Variants in ATP2C2 observed in about 807,000 individuals in gnomAD.
ATP2C2 encodes calcium-transporting ATPase type 2C member 2.
Under a neutral mutation model 110.8 loss-of-function variants are expected in ATP2C2, and 171 were observed. The observed-to-expected ratio is 1.54, with a 90% CI of 1.36 to 1.75. ATP2C2 has a LOEUF of 1.75. Among genes scored for constraint, ATP2C2 ranks in the 40% most tolerant of loss-of-function variants. The pLI, the probability that ATP2C2 is intolerant of heterozygous loss-of-function variation, is 0.00. For synonymous variants in ATP2C2, 804 were observed against 508.4 expected, an observed-to-expected ratio of 1.58 and a Z score of -7.82; for missense variants, 1,963 against 1,235.0, an observed-to-expected ratio of 1.59 and a Z score of -8.84.
chr16:84,407,705 C>G (rs200339324), intron 3 of ATP2C2, among the ~76,000 whole-genome samples: 1 of 152,132 alleles, frequency 6.6e-6, no homozygotes, highest in Non-Finnish European at 1.5e-5. Context: ...CTCCTGGGCT[C>G]AAGCAGTCCT....
At chr16:84,429,122 A>C (rs796681245) in intron 11 of ATP2C2, among the ~76,000 whole-genome samples, 6 of 144,446 alleles carry the variant, frequency 4.2e-5, no homozygotes, top group African/African-American at 1.3e-4. Context: ...CCTGAACAGA[A>C]CGATCTTCAT....
intron 17 of ATP2C2, among the ~76,000 whole-genome samples, chr16:84,449,525 T>C (rs554919807): frequency 4.9e-4 from 75 of 152,286 alleles, no homozygotes; most frequent in African/African-American, 1.6e-3. Flanking sequence ...AGTGACTTCA[T>C]TGATTGCTGT....
At chr16:84,398,408 A>T (rs910650272) in intron 1 of ATP2C2, 91 bp from the exon 2 acceptor site, 11 of 773,946 alleles carry the variant, frequency 1.4e-5, no homozygotes, top group Middle Eastern at 4.3e-4. Flanking sequence ...TCCATCTCAA[A>T]AAAATAAACT....
chr16:84,373,738 T>C (rs1341508351), intron 1 of ATP2C2, among the ~76,000 whole-genome samples: 3 of 152,154 alleles, frequency 2.0e-5, no homozygotes, highest in South Asian at 2.1e-4. Context: ...AATGACGTCA[T>C]TCACGTTAAA....
At chr16:84,390,436 T>C (rs962134251) in intron 1 of ATP2C2, among the ~76,000 whole-genome samples, 4 of 152,150 alleles carry the variant, frequency 2.6e-5, no homozygotes, top group Non-Finnish European at 4.4e-5. Context: ...TGGAAACCTT[T>C]CTCTTCTAGG....
intron 15 of ATP2C2, among the ~76,000 whole-genome samples, chr16:84,442,884 G>A (rs955964748): frequency 1.3e-5 from 2 of 152,074 alleles, no homozygotes; most frequent in Non-Finnish European, 2.9e-5. Context: ...GTGTTGAGGC[G>A]ACAGACAGTG....
intron 21 of ATP2C2, 150 bp downstream of exon 21, chr16:84,455,134 C>T (rs1208225182): frequency 1.0e-6 from 1 of 995,268 alleles, no homozygotes; most frequent in Non-Finnish European, 1.5e-6. Flanking sequence ...GTGGCAGGTG[C>T]CCCCAACCCC....
At chr16:84,425,864 T>C in intron 11 of ATP2C2, 63 bp downstream of exon 11, 1 of 1,567,742 alleles carries the variant, frequency 6.4e-7, no homozygotes, top group Non-Finnish European at 8.8e-7. Context: ...AGCCCTTCCC[T>C]GCCGCAAGAG....
At chr16:84,421,268 G>A (rs1362509599) in intron 7 of ATP2C2, among the ~76,000 whole-genome samples, 4 of 152,240 alleles carry the variant, frequency 2.6e-5, no homozygotes, top group South Asian at 2.1e-4. Flanking sequence ...CTGCGCAGCC[G>A]GAGGCCTCGC....
intron 3 of ATP2C2, chr16:84,406,580 C>G: frequency 1.0e-6 from 1 of 985,578 alleles, no homozygotes; most frequent in Non-Finnish European, 1.2e-6. Flanking sequence ...CCTCCCTGAT[C>G]AAGGCTCAGT....
chr16:84,437,555 C>T lies in ATP2C2; in HGVS notation c.987-1611C>T, dbSNP rs976792687. Among the ~76,000 whole-genome samples, 3 of 152,074 alleles carry T rather than the reference C, an allele frequency of 2.0e-5. No individual in the cohort carries two copies. The East Asian group carries it at 5.8e-4, about 29-fold the overall frequency. ...CTTTTGAGATGGAGTCTCACTCTGTCACCAGGCTGGAGCGCAGTGGCGCAG... is the reference window on the plus strand; with the variant it reads ...CTTTTGAGATGGAGTCTCACTCTGTTACCAGGCTGGAGCGCAGTGGCGCAG... On this transcript the variant is annotated intron_variant, in intron 11 of 26. Coordinates refer to ENST00000262429, the MANE Select transcript of ATP2C2 (RefSeq NM_014861.4).
chr16:84,422,031 A>C (rs112789967), intron 7 of ATP2C2, among the ~76,000 whole-genome samples: 5 of 152,318 alleles, frequency 3.3e-5, no homozygotes, highest in African/African-American at 1.2e-4. Context: ...TGTGGGAACC[A>C]TACAGATTGT....
At position 84,415,410 on chromosome 16, in the gene ATP2C2, G is replaced by C. The variant is rs1336388112; in HGVS notation, c.516-73G>C. On this transcript the variant is annotated intron_variant, in intron 6 of 26. Transcript: ENST00000262429. ...AGAAAAGTGTGTTTCTATTCTCCTTGTTCAAATGTATCAAGGTGCATAAAA... is the reference window on the plus strand; with the variant it reads ...AGAAAAGTGTGTTTCTATTCTCCTTCTTCAAATGTATCAAGGTGCATAAAA... 2.4e-6 allele frequency: 3 copies of C among 1,248,912 alleles called. No individual in the cohort carries two copies. The African/African-American group carries it at 4.4e-5, about 19-fold the overall frequency. The allele number at this position is 1,248,912 out of a possible 1,614,324, so 77.4% of individuals were successfully genotyped here. A position where few individuals can be genotyped will look rare whatever the true frequency, so the allele number is the denominator to read the frequency against.
At chr16:84,391,259 A>G (rs1904646682) in intron 1 of ATP2C2, among the ~76,000 whole-genome samples, 1 of 152,274 alleles carries the variant, frequency 6.6e-6, no homozygotes, top group East Asian at 1.9e-4. Context: ...CTTGCGATTC[A>G]CAGTGGACTG....
intron 16 of ATP2C2, among the ~76,000 whole-genome samples, 188 bp from the exon 17 acceptor site, chr16:84,448,345 G>T (rs183358738): frequency 6.6e-6 from 1 of 152,144 alleles, no homozygotes; most frequent in Admixed American, 6.5e-5. Context: ...ACTGCAAAAC[G>T]TTCCATGGAT....
intron 26 of ATP2C2, chr16:84,463,063 G>A (rs1911548646): frequency 6.4e-6 from 1 of 156,308 alleles, no homozygotes. Context: ...CACCCGCCGG[G>A]AAGGAAGTCG....
At position 84,388,235 on chromosome 16, in the gene ATP2C2, G is replaced by T. The variant is rs147957950; in HGVS notation, c.100-10264G>T. Among the ~76,000 whole-genome samples, 1,036 of 152,232 alleles carry T rather than the reference G, an allele frequency of 6.8e-3. 18 individuals carry two copies. Among genetic ancestry groups the T allele is most frequent in the African/African-American group, 0.024 (1,006 of 41,530 alleles). ...AGCTACTCGGGAGACTGAGGCAAGA[G>T]AATGGCTTGAACCCGGGAGGCAGAG... On this transcript the variant is annotated intron_variant, in intron 1 of 26. Coordinates refer to ENST00000262429, the MANE Select transcript of ATP2C2 (RefSeq NM_014861.4).
intron 1 of ATP2C2, among the ~76,000 whole-genome samples, chr16:84,369,296 C>A (rs1909814091): frequency 1.3e-5 from 2 of 152,110 alleles, no homozygotes; most frequent in Non-Finnish European, 2.9e-5. Context: ...CAGGGCAGGG[C>A]GGTTCATGAG....
At chr16:84,439,938 G>C (rs113892029) in intron 13 of ATP2C2, among the ~76,000 whole-genome samples, 13,946 of 152,164 alleles carry the variant, frequency 0.092, 1,037 homozygotes, top group African/African-American at 0.2. Flanking sequence ...GGGTTCAAGC[G>C]ACTCTCCTGC....
Sources: gnomAD v4.1 joint callset for allele counts (sites outside exome capture counted in the v4.1 genomes callset) on GRCh38, gnomAD v4.1.1 for gene constraint, MANE v1.5 for transcripts, NCBI Gene and HGNC (gene_info 2026-07-23, HGNC 2026-07-21) for gene names.